Variants in TMEM127 observed in about 807,000 individuals in gnomAD.
TMEM127 encodes the protein transmembrane protein 127.
A neutral mutation model predicts 20.1 loss-of-function variants in TMEM127; 21 were observed. The observed-to-expected ratio is 1.04, with a 90% confidence interval of 0.74 to 1.50. The LOEUF is 1.50. Among genes scored for constraint, TMEM127 ranks in the 40% most tolerant of loss-of-function variants. The pLI is 0.00. For missense variants in TMEM127, 303 were observed against 317.4 expected (o/e 0.95, Z 0.34); for synonymous variants, 150 against 144.7 (o/e 1.04, Z -0.26).
At chr2:96,256,954 C>A (rs998591360) in intron 2 of TMEM127, among the ~76,000 whole-genome samples, 4 of 152,172 alleles carry the variant, frequency 2.6e-5, no homozygotes, top group Non-Finnish European at 5.9e-5. Context: ...CACATTTATA[C>A]CACAAAAGCC....
chr2:96,262,158 C>A (rs1684323215), intron 2 of TMEM127, among the ~76,000 whole-genome samples: 1 of 151,552 alleles, frequency 6.6e-6, no homozygotes, highest in Non-Finnish European at 1.5e-5. Flanking sequence ...ACTCGTGAGG[C>A]TGAGACAGGA....
In TMEM127 at chr2:96,251,586, G is replaced by A. The variant is rs1558750550; in HGVS notation, c.*2222C>T. ...CATCTCCTGCTTCTCTGAGACAAAG[G>A]GAACAAACCAAATCAGGAAAATCGT... On this transcript the variant is annotated 3_prime_UTR_variant, in exon 4 of 4. Coordinates refer to ENST00000258439, the MANE Select transcript of TMEM127 (RefSeq NM_017849.4). The A allele has an allele frequency of 4.3e-6, 1 of 232,848 alleles. No homozygotes were observed. Among genetic ancestry groups the A allele is most frequent in the Non-Finnish European group, 8.5e-6 (1 of 117,634 alleles). 14.4% of individuals were successfully genotyped at this position (232,848 alleles called of 1,614,324 possible).
chr2:96,255,045 C>T, intron 2 of TMEM127, 48 bp from the exon 3 acceptor site: 1 of 1,611,288 alleles, frequency 6.2e-7, no homozygotes, highest in Non-Finnish European at 8.5e-7. Context: ...ACACTTGGTG[C>T]AGGAAGTCCC....
intron 2 of TMEM127, among the ~76,000 whole-genome samples, chr2:96,260,867 C>T (rs1684300314): frequency 6.6e-6 from 1 of 152,212 alleles, no homozygotes; most frequent in South Asian, 2.1e-4. Flanking sequence ...TCCAGACAGG[C>T]CTGCGACACA....
intron 2 of TMEM127, among the ~76,000 whole-genome samples, chr2:96,263,826 G>A (rs1238165066): frequency 6.6e-6 from 1 of 152,088 alleles, no homozygotes; most frequent in African/African-American, 2.4e-5. Context: ...TGGGAAGGTG[G>A]TATGTGTGCT....
Position 96,253,104 on chromosome 2 carries a change from C to G in TMEM127, c.*704G>C, listed in dbSNP as rs1684125043. On this transcript the variant is annotated 3_prime_UTR_variant, in exon 4 of 4. Transcript: ENST00000258439. This position sits in a 1 kb window ranked among gnomAD's most constrained non-coding sequence, Gnocchi z 4.3. ...AAGGTGAAGGGCTGGGAGATGTAGT[C>G]CCCTTCACTCTGGTCCTTGATAGGC... 1 of 233,294 alleles carries G rather than the reference C, an allele frequency of 4.3e-6. No individual in the cohort carries two copies. Among genetic ancestry groups the G allele is most frequent in the South Asian group, 1.8e-4 (1 of 5,528 alleles). 14.5% of individuals were successfully genotyped at this position (233,294 alleles called of 1,614,324 possible). A position where few individuals can be genotyped will look rare whatever the true frequency, so the allele number is the denominator to read the frequency against.
chr2:96,263,247 G>A (rs1371036051), intron 2 of TMEM127, among the ~76,000 whole-genome samples: 1 of 150,932 alleles, frequency 6.6e-6, no homozygotes, highest in Non-Finnish European at 1.5e-5. Flanking sequence ...TAGAGACAGG[G>A]TTTCTTTCAC....
chr2:96,265,261 T>A lies in TMEM127; in HGVS notation c.121A>T (p.Ile41Phe). Residue 41 changes from isoleucine (I) to phenylalanine (F), a missense_variant, in exon 2 of 4, where the codon ATC becomes TTC. Coordinates refer to ENST00000258439, the MANE Select transcript of TMEM127 (RefSeq NM_017849.4). ...LASALPGALS[I>F]TALCTALAEP... ...GCGAGGGCAGTGCACAGCGCCGTGA[T>A]AGACAGGGCGCCAGGCAGGGCCGAG... The A allele has an allele frequency of 1.0e-5, 16 of 1,587,506 alleles. No individual in the cohort carries two copies. The highest frequency in any genetic ancestry group is 1.4e-5 in the Non-Finnish European group (16 of 1,171,940).
Position 96,265,355 on chromosome 2 carries a change from C to T in TMEM127, c.27G>A (p.Leu9=), listed in dbSNP as rs2104308461. The change falls in exon 2 of 4, where the codon CTG becomes CTA. Residue 9 remains leucine, a synonymous_variant. Coordinates refer to ENST00000258439, the MANE Select transcript of TMEM127 (RefSeq NM_017849.4). MYAPGGAG[L]PGGRRRRSPG... Reference sequence around the variant, plus strand: ...GGCTCCTCCGCCGGCGCCCGCCGGGCAGCCCTGCGCCTCCGGGGGCGTACA... The same window carrying T: ...GGCTCCTCCGCCGGCGCCCGCCGGGTAGCCCTGCGCCTCCGGGGGCGTACA... 6.7e-7 allele frequency: 1 copy of T among 1,482,438 alleles called. No individual in the cohort carries two copies. Among genetic ancestry groups the T allele is most frequent in the Non-Finnish European group, 8.9e-7 (1 of 1,123,248 alleles). 91.8% of individuals were successfully genotyped at this position (1,482,438 alleles called of 1,614,324 possible).
At position 96,252,588 on chromosome 2, in the gene TMEM127, G is replaced by A. The variant is rs1349403829; in HGVS notation, c.*1220C>T. ...TGGCAAGCTGGAGTCCCGAGTCAGA[G>A]TCTAGGGCAGCACTGGGTCTGAAGG... is the stretch of plus-strand genomic sequence containing the variant. On this transcript the variant is annotated 3_prime_UTR_variant, in exon 4 of 4. Transcript: ENST00000258439. This position sits in a 1 kb window ranked among gnomAD's most constrained non-coding sequence, Gnocchi z 4.2. 2 of 234,124 alleles carry A rather than the reference G, an allele frequency of 8.5e-6. No individual in the cohort carries two copies. The highest frequency in any genetic ancestry group is 4.4e-5 in the African/African-American group (2 of 45,494). 14.5% of individuals were successfully genotyped at this position (234,124 alleles called of 1,614,324 possible).
At position 96,253,787 on chromosome 2, in the gene TMEM127, G is replaced by C; in HGVS notation, c.*21C>G. 1 of 1,596,586 alleles carries C rather than the reference G, an allele frequency of 6.3e-7. No individual in the cohort carries two copies. The highest frequency in any genetic ancestry group is 8.6e-7 in the Non-Finnish European group (1 of 1,167,802). On this transcript the variant is annotated 3_prime_UTR_variant, in exon 4 of 4. Coordinates refer to ENST00000258439, the MANE Select transcript of TMEM127 (RefSeq NM_017849.4). This position sits in a 1 kb window ranked among gnomAD's most constrained non-coding sequence, Gnocchi z 4.3. ...CAGAGTTGAGGGAGGGGCTGCCGAG[G>C]AAGAGAGCCCAGGGCTGGCATTAGG... is the stretch of plus-strand genomic sequence containing the variant.
At position 96,253,752 on chromosome 2, in the gene TMEM127, A is replaced by G; in HGVS notation, c.*56T>C. 1.3e-6 allele frequency: 2 copies of G among 1,559,932 alleles called. No individual in the cohort carries two copies. Among genetic ancestry groups the G allele is most frequent in the Non-Finnish European group, 1.7e-6 (2 of 1,148,690 alleles). On this transcript the variant is annotated 3_prime_UTR_variant, in exon 4 of 4. Coordinates refer to ENST00000258439, the MANE Select transcript of TMEM127 (RefSeq NM_017849.4). This position sits in a 1 kb window ranked among gnomAD's most constrained non-coding sequence, Gnocchi z 4.3. ...GGGGAAAGGAGCTCCTCTGGGTGCGAGAGGAGCTGCAGAGTTGAGGGAGGG... is the reference window on the plus strand; with the variant it reads ...GGGGAAAGGAGCTCCTCTGGGTGCGGGAGGAGCTGCAGAGTTGAGGGAGGG...
At chr2:96,259,055 A>C (rs1269773923) in intron 2 of TMEM127, among the ~76,000 whole-genome samples, 1 of 152,238 alleles carries the variant, frequency 6.6e-6, no homozygotes, top group Non-Finnish European at 1.5e-5. Flanking sequence ...CTTATGTTTC[A>C]TTATACATGA....
chr2:96,261,668 G>A (rs575062671), intron 2 of TMEM127, among the ~76,000 whole-genome samples: 4 of 152,264 alleles, frequency 2.6e-5, no homozygotes, highest in East Asian at 3.9e-4. Context: ...AAATAAACTC[G>A]GAGCTCACTA....
Position 96,265,235 on chromosome 2 carries a change from G to A in TMEM127, c.147C>T (p.Ala49=). 2 of 1,599,402 alleles carry A rather than the reference G, an allele frequency of 1.3e-6. No homozygotes were observed. The part of the protein sequence containing the change: ...LSITALCTAL[A]EPAWLHIHGG... ...CGTGGATGTGCAACCAGGCGGGCTCGGCGAGGGCAGTGCACAGCGCCGTGA... is the reference window on the plus strand; with the variant it reads ...CGTGGATGTGCAACCAGGCGGGCTCAGCGAGGGCAGTGCACAGCGCCGTGA... Residue 49 remains alanine, a synonymous_variant, in exon 2 of 4, where the codon GCC becomes GCT. Coordinates refer to ENST00000258439, the MANE Select transcript of TMEM127 (RefSeq NM_017849.4).
At position 96,254,099 on chromosome 2, in the gene TMEM127, G is replaced by A. The variant is rs552787569; in HGVS notation, c.426C>T (p.Thr142=). 21 of 1,614,034 alleles carry A rather than the reference G, an allele frequency of 1.3e-5. 1 individual carries two copies. Among genetic ancestry groups the A allele is most frequent in the East Asian group, 4.5e-5 (2 of 44,882 alleles). ...AAGCCCAATAAGAAAAGCCAATGAC[G>A]GTGGCACACTGCAGAACTAGGAGAC... is the stretch of plus-strand genomic sequence containing the variant. ...AHILTVLQCA[T]VIGFSYWASE... The change falls in exon 4 of 4, where the codon ACC becomes ACT. Residue 142 remains threonine (T), a synonymous_variant. Transcript: ENST00000258439.
At chr2:96,264,183 C>G (rs537564704) in intron 2 of TMEM127, among the ~76,000 whole-genome samples, 3 of 152,366 alleles carry the variant, frequency 2.0e-5, no homozygotes, top group African/African-American at 7.2e-5. Flanking sequence ...GTCCGATGCA[C>G]AGCGGGGAAC....
rs935458443 is a variant in TMEM127 at position 96,265,968 on chromosome 2, C to T, written c.-231G>A. The T allele has an allele frequency of 3.2e-5, 6 of 184,682 alleles. No homozygotes were observed. The highest frequency in any genetic ancestry group is 1.7e-4 in the South Asian group (1 of 5,800). The allele number at this position is 184,682 out of a possible 1,614,324, so 11.4% of individuals were successfully genotyped here. ...GTTCCCAGGCCCCAATCCCGCAACG[C>T]CCGGACAGACCCGGGGCCGATGCAC... On this transcript the variant is annotated 5_prime_UTR_variant, in exon 1 of 4. Transcript: ENST00000258439.
Position 96,252,575 on chromosome 2 carries a change from G to GT in TMEM127, c.*1232dup, listed in dbSNP as rs1684115656. ...GGGAGAGGGCACGTGGCAAGCTGGA[G>GT]TCCCGAGTCAGAGTCTAGGGCAGCA... On this transcript the variant is annotated 3_prime_UTR_variant, in exon 4 of 4. Coordinates refer to ENST00000258439, the MANE Select transcript of TMEM127 (RefSeq NM_017849.4). The surrounding 1 kb of genome is among the most constrained non-coding windows in gnomAD (Gnocchi z 4.2). 2 of 234,046 alleles carry GT rather than the reference G, an allele frequency of 8.5e-6. No individual in the cohort carries two copies. Among genetic ancestry groups the GT allele is most frequent in the Non-Finnish European group, 1.7e-5 (2 of 118,280 alleles). 14.5% of individuals were successfully genotyped at this position (234,046 alleles called of 1,614,324 possible).
Sources: allele counts gnomAD v4.1 joint callset (sites outside exome capture counted in the v4.1 genomes callset), GRCh38; gene constraint gnomAD v4.1.1; non-coding constraint Gnocchi (gnomAD v3.1); transcripts MANE v1.5; gene names NCBI Gene and HGNC (gene_info 2026-07-23, HGNC 2026-07-21).